The following FOCAD variants were observed in gnomAD, a reference collection of about 807,000 sequenced individuals.
FOCAD encodes KIAA1797.
Under a neutral mutation model 225.6 loss-of-function variants are expected in FOCAD, and 198 were observed. The ratio of observed to expected loss-of-function variants is 0.88; its 90% CI spans 0.78 to 0.99. FOCAD has a LOEUF of 0.99. Ranked by LOEUF, FOCAD falls within the 50% of genes least tolerant of loss-of-function variation. The pLI, the probability that FOCAD is intolerant of heterozygous loss-of-function variation, is 0.00. For missense variants in FOCAD, 2,713 were observed against 2,123.6 expected (o/e 1.28, Z -5.46); for synonymous variants, 897 against 755.0 (o/e 1.19, Z -3.08).
intron 5 of FOCAD, among the ~76,000 whole-genome samples, chr9:20,757,673 T>A (rs564755004): frequency 5.3e-5 from 8 of 152,062 alleles, no homozygotes; most frequent in Admixed American, 5.2e-4. Context: ...CGGGTAAGGT[T>A]GGAGGAAATG....
chr9:20,810,601 A>C (rs751308731), intron 11 of FOCAD, among the ~76,000 whole-genome samples: 1 of 152,118 alleles, frequency 6.6e-6, no homozygotes, highest in Non-Finnish European at 1.5e-5. Context: ...TTAGCAATGG[A>C]TATAACTGTT....
intron 28 of FOCAD, among the ~76,000 whole-genome samples, chr9:20,944,286 C>T (rs1381801310): frequency 6.6e-6 from 1 of 152,184 alleles, no homozygotes; most frequent in East Asian, 1.9e-4. Flanking sequence ...GCAGGGAAAA[C>T]TACAGCATTT....
intron 19 of FOCAD, chr9:20,875,883 G>C (rs902068169): frequency 1.3e-5 from 2 of 151,994 alleles, no homozygotes; most frequent in African/African-American, 4.8e-5. Flanking sequence ...GCTTAGTTTT[G>C]TTACAATTCT....
chr9:20,947,385 TAAAC>T (rs1468946599), intron 30 of FOCAD, among the ~76,000 whole-genome samples: 4 of 152,138 alleles, frequency 2.6e-5, no homozygotes, highest in African/African-American at 9.7e-5. Flanking sequence ...CTAAATGAAA[TAAAC>T]AAATAACAAA....
At chr9:20,847,920 A>G (rs952332660) in intron 15 of FOCAD, among the ~76,000 whole-genome samples, 2 of 152,114 alleles carry the variant, frequency 1.3e-5, no homozygotes, top group Non-Finnish European at 2.9e-5. Context: ...TAATTATAGA[A>G]AAATGATTAA....
chr9:20,818,862 T>C (rs1824015691), intron 11 of FOCAD, among the ~76,000 whole-genome samples: 1 of 152,128 alleles, frequency 6.6e-6, no homozygotes, highest in Admixed American at 6.6e-5. Context: ...GTTCCTTGCT[T>C]TTACACATGC....
intron 21 of FOCAD, among the ~76,000 whole-genome samples, chr9:20,899,244 G>A (rs1832363327): frequency 6.6e-6 from 1 of 151,904 alleles, no homozygotes; most frequent in Non-Finnish European, 1.5e-5. Context: ...TATGAGAACT[G>A]ACTGAGCTTC....
rs1463005640 is a variant in FOCAD at position 20,885,189 on chromosome 9, G to C, written c.2584G>C (p.Gly862Arg). The C allele has an allele frequency of 2.6e-6, 4 of 1,542,812 alleles. No individual in the cohort carries two copies. Among genetic ancestry groups the C allele is most frequent in the Admixed American group, 1.8e-5 (1 of 54,548 alleles). Reference protein sequence around the residue: ...KPLNRLMASRGRSFKQTSLAL... With the variant: ...KPLNRLMASRRRSFKQTSLAL... ...ATTGAACAGACTGATGGCCAGCAGAGGGCGAAGTTTCAAGCAGACTTCACT... is the reference window on the plus strand; with the variant it reads ...ATTGAACAGACTGATGGCCAGCAGACGGCGAAGTTTCAAGCAGACTTCACT... Residue 862 changes from glycine to arginine, a missense_variant, in exon 21 of 44, where the codon GGG becomes CGG. Gly to Arg is a moderately radical substitution (Grantham distance 125). Coordinates refer to ENST00000338382, the MANE Select transcript of FOCAD (RefSeq NM_001375567.1).
rs1257415085 is a variant in FOCAD, at chr9:20,874,773, A to G, written c.2283A>G (p.Lys761=). ...CAGTTCCTGGCTCTTGCTATCTCAAACTGTTGTCACTCACTCCCCCTTTGG... is the reference window on the plus strand; with the variant it reads ...CAGTTCCTGGCTCTTGCTATCTCAAGCTGTTGTCACTCACTCCCCCTTTGG... ...DLSVPGSCYL[K]LLSLTPPLVL... Residue 761 remains lysine (K), a synonymous_variant, in exon 19 of 44, where the codon AAA becomes AAG. Coordinates refer to ENST00000338382, the MANE Select transcript of FOCAD (RefSeq NM_001375567.1). The G allele has an allele frequency of 6.2e-7, 1 of 1,613,568 alleles. No homozygotes were observed. Among genetic ancestry groups the G allele is most frequent in the Non-Finnish European group, 8.5e-7 (1 of 1,179,688 alleles).
chr9:20,788,229 T>C (rs1363260621), intron 10 of FOCAD, among the ~76,000 whole-genome samples: 4 of 152,216 alleles, frequency 2.6e-5, no homozygotes, highest in African/African-American at 7.2e-5. Flanking sequence ...CCACATATTA[T>C]GTGTTTCCTA....
intron 4 of FOCAD, among the ~76,000 whole-genome samples, chr9:20,731,407 T>G (rs918175964): frequency 4.6e-5 from 7 of 152,204 alleles, no homozygotes; most frequent in African/African-American, 1.7e-4. Flanking sequence ...TGAAAGGCCT[T>G]TTAGAAACAC....
At chr9:20,848,395 C>T (rs541137983) in intron 15 of FOCAD, among the ~76,000 whole-genome samples, 1 of 152,058 alleles carries the variant, frequency 6.6e-6, no homozygotes, top group South Asian at 2.1e-4. Context: ...TAACGTAGGT[C>T]AGGTAGTTTC....
At chr9:20,690,617 T>C (rs968838076) in intron 1 of FOCAD, among the ~76,000 whole-genome samples, 1 of 152,126 alleles carries the variant, frequency 6.6e-6, no homozygotes. Context: ...GGTGTGATCA[T>C]AGCTCGCCAC....
chr9:20,850,973 C>G (rs1448755269), intron 15 of FOCAD, among the ~76,000 whole-genome samples: 4 of 151,204 alleles, frequency 2.6e-5, no homozygotes, highest in Non-Finnish European at 4.4e-5. Flanking sequence ...CCTCCTCCTG[C>G]AAAGCGTCCA....
chr9:20,748,110 T>C (rs1365951903), intron 5 of FOCAD, among the ~76,000 whole-genome samples: 2 of 152,056 alleles, frequency 1.3e-5, no homozygotes, highest in Non-Finnish European at 2.9e-5. Flanking sequence ...TCCTGAGGTA[T>C]AAATGTTTGG....
intron 21 of FOCAD, among the ~76,000 whole-genome samples, chr9:20,901,230 G>T (rs985379385): frequency 1.4e-5 from 2 of 146,324 alleles, no homozygotes; most frequent in African/African-American, 5.2e-5. Flanking sequence ...GTGTGTGTGT[G>T]TGTCTCATAA....
chr9:20,860,482 C>G (rs1029866911), intron 15 of FOCAD, among the ~76,000 whole-genome samples: 2 of 152,130 alleles, frequency 1.3e-5, no homozygotes, highest in Non-Finnish European at 2.9e-5. Context: ...TCCTCAGTCT[C>G]TTGGCCTTTG....
chr9:20,872,536 C>T (rs1431391431), intron 18 of FOCAD, among the ~76,000 whole-genome samples: 1 of 144,494 alleles, frequency 6.9e-6, no homozygotes, highest in Non-Finnish European at 1.5e-5. Context: ...TCTTCCCCTC[C>T]CCCTCCTCCT....
chr9:20,746,310 A>G (rs1828031175), intron 5 of FOCAD, among the ~76,000 whole-genome samples: 1 of 152,152 alleles, frequency 6.6e-6, no homozygotes, highest in Non-Finnish European at 1.5e-5. Flanking sequence ...CATGAGAGGA[A>G]CTAACAGGAG....
Sources: allele counts gnomAD v4.1 joint callset (sites outside exome capture counted in the v4.1 genomes callset), GRCh38; gene constraint gnomAD v4.1.1; transcripts MANE v1.5; gene names NCBI Gene and HGNC (gene_info 2026-07-23, HGNC 2026-07-21).